The following CATSPERB variants were observed in gnomAD, a reference collection of about 807,000 sequenced individuals.
CATSPERB encodes cation channel sperm-associated auxiliary subunit beta.
In CATSPERB, 93 loss-of-function variants were observed where a neutral mutation model predicts 128.3. The ratio of observed to expected loss-of-function variants is 0.72; its 90% CI spans 0.61 to 0.86. The LOEUF (loss-of-function observed/expected upper bound fraction) is 0.86. Among genes scored for constraint, CATSPERB ranks in the 40% least tolerant of loss-of-function variants. CATSPERB has a pLI of 0.00. For synonymous variants in CATSPERB, 381 were observed against 448.8 expected (o/e 0.85, Z 1.91); for missense variants, 1,153 against 1,329.5 (o/e 0.87, Z 2.06).
At chr14:91,666,906 A>G (rs1894993391) in intron 14 of CATSPERB, among the ~76,000 whole-genome samples, 1 of 152,220 alleles carries the variant, frequency 6.6e-6, no homozygotes, top group Admixed American at 6.5e-5. Context: ...GCCGCCCGAG[A>G]TGATCTCTTA....
intron 14 of CATSPERB, among the ~76,000 whole-genome samples, chr14:91,660,401 G>A (rs977083356): frequency 1.3e-5 from 2 of 152,082 alleles, no homozygotes; most frequent in East Asian, 1.9e-4. Flanking sequence ...AAATATATAT[G>A]CACACATATT....
chr14:91,668,996 C>T (rs1297141689), intron 14 of CATSPERB, among the ~76,000 whole-genome samples: 1 of 152,182 alleles, frequency 6.6e-6, no homozygotes, highest in Non-Finnish European at 1.5e-5. Flanking sequence ...TTTCCAAGGC[C>T]TTCCCAGCCA....
chr14:91,617,541 G>C, intron 20 of CATSPERB, 56 bp downstream of exon 20: 1 of 1,384,400 alleles, frequency 7.2e-7, no homozygotes. Context: ...AATAATAGTT[G>C]TTTCAGAAAA....
In CATSPERB at chr14:91,620,696, C is replaced by T. The variant is rs187273059; in HGVS notation, c.2260+912G>A. On this transcript the variant is annotated intron_variant, in intron 19 of 26. Coordinates refer to ENST00000256343, the MANE Select transcript of CATSPERB (RefSeq NM_024764.4). ...TTGGCTTAAAATAAATACAGTCATTCTGTGGTATATACAAAGGGTTGGTTC... is the reference window on the plus strand; with the variant it reads ...TTGGCTTAAAATAAATACAGTCATTTTGTGGTATATACAAAGGGTTGGTTC... Among the ~76,000 whole-genome samples the T allele has an allele frequency of 1.1e-3, 168 of 152,216 alleles. 1 individual carries two copies. Among genetic ancestry groups the T allele is most frequent in the Middle Eastern group, 6.8e-3 (2 of 294 alleles).
intron 14 of CATSPERB, among the ~76,000 whole-genome samples, chr14:91,665,037 G>A (rs576823281): frequency 2.6e-5 from 4 of 150,978 alleles, no homozygotes; most frequent in East Asian, 2.0e-4. Context: ...CCACAGGAAC[G>A]TGCCACCACA....
At chr14:91,586,571 A>AAAGAGAGAG (rs1555358774) in intron 26 of CATSPERB, among the ~76,000 whole-genome samples, 6,223 of 114,052 alleles carry the variant, frequency 0.055, 470 homozygotes, top group East Asian at 0.35. Flanking sequence ...GAGAGAGAGA[A>AAAGAGAGAG]AGAGAGAGAG....
At chr14:91,584,103 C>T (rs575302532) in intron 26 of CATSPERB, among the ~76,000 whole-genome samples, 14 of 151,770 alleles carry the variant, frequency 9.2e-5, no homozygotes, top group Admixed American at 4.6e-4. Context: ...CTCACTCTGT[C>T]GCCCAGGCTG....
At chr14:91,587,633 A>G (rs1893327088) in intron 25 of CATSPERB, among the ~76,000 whole-genome samples, 2 of 151,930 alleles carry the variant, frequency 1.3e-5, no homozygotes, top group South Asian at 2.1e-4. Context: ...TATTATACCA[A>G]CTTCATGTAT....
chr14:91,599,978 C>T (rs1393203091), intron 22 of CATSPERB, among the ~76,000 whole-genome samples: 1 of 152,182 alleles, frequency 6.6e-6, no homozygotes, highest in Non-Finnish European at 1.5e-5. Context: ...AAGATATTTT[C>T]CTTTGACACC....
chr14:91,722,974 TA>T, intron 4 of CATSPERB, 74 bp downstream of exon 4: 1 of 1,185,258 alleles, frequency 8.4e-7, no homozygotes, highest in Non-Finnish European at 1.1e-6. Flanking sequence ...ACCTATTTTT[TA>T]AAAAATACAT....
intron 23 of CATSPERB, 57 bp from the exon 24 acceptor site, chr14:91,589,726 T>C (rs1893364340): frequency 5.1e-6 from 8 of 1,554,212 alleles, no homozygotes; most frequent in Non-Finnish European, 7.0e-6. Context: ...AGTCACTTCA[T>C]TTCCTGGTAA....
At chr14:91,696,779 G>T (rs1296300902) in intron 7 of CATSPERB, among the ~76,000 whole-genome samples, 1 of 152,148 alleles carries the variant, frequency 6.6e-6, no homozygotes, top group Non-Finnish European at 1.5e-5. Context: ...TTGTTCAGAT[G>T]GCTGCAAGGA....
At chr14:91,651,328 G>A (rs563619562) in intron 15 of CATSPERB, among the ~76,000 whole-genome samples, 35 of 152,260 alleles carry the variant, frequency 2.3e-4, no homozygotes, top group African/African-American at 8.2e-4. Flanking sequence ...CTTTGACTGG[G>A]CTTTAGTAAT....
chr14:91,727,750 C>T (rs1305381212), intron 2 of CATSPERB, among the ~76,000 whole-genome samples: 1 of 152,206 alleles, frequency 6.6e-6, no homozygotes. Context: ...CAGAAGGAAA[C>T]TAACTCCTTT....
At chr14:91,697,523 C>T (rs1895583780) in intron 7 of CATSPERB, among the ~76,000 whole-genome samples, 1 of 152,180 alleles carries the variant, frequency 6.6e-6, no homozygotes, top group African/African-American at 2.4e-5. Flanking sequence ...TAATCATTTA[C>T]ATCTTTACTC....
Position 91,669,946 on chromosome 14 carries a change from C to T in CATSPERB, c.1155G>A (p.Val385=), listed in dbSNP as rs953623452. 1 of 1,613,140 alleles carries T rather than the reference C, an allele frequency of 6.2e-7. No homozygotes were observed. Residue 385 remains valine, a synonymous_variant, in exon 14 of 27, where the codon GTG becomes GTA. Coordinates refer to ENST00000256343, the MANE Select transcript of CATSPERB (RefSeq NM_024764.4). Reference sequence around the variant, plus strand: ...TTGGTTCATTATTTCTCAGGGTGCTCACAGAGGCAATGGCAGTTTTCCTGA... The same window carrying T: ...TTGGTTCATTATTTCTCAGGGTGCTTACAGAGGCAATGGCAGTTTTCCTGA... The part of the protein sequence containing the change: ...NKVRKTAIAS[V]STLRNNEPNS...
In CATSPERB at chr14:91,612,736, C is replaced by T. The variant is rs564524642; in HGVS notation, c.2401-2059G>A. ...CATACTCTGTAGCCATTAAGAATAA[C>T]GTATTTTTATTACTTTTGTCAAACA... On this transcript the variant is annotated intron_variant, in intron 20 of 26. Coordinates refer to ENST00000256343, the MANE Select transcript of CATSPERB (RefSeq NM_024764.4). Among the ~76,000 whole-genome samples, 169 of 152,266 alleles carry T rather than the reference C, an allele frequency of 1.1e-3. 1 individual carries two copies. The highest frequency in any genetic ancestry group is 2.2e-3 in the African/African-American group (93 of 41,560).
chr14:91,689,209 AG>A (rs1357968142), intron 10 of CATSPERB, among the ~76,000 whole-genome samples: 1 of 152,196 alleles, frequency 6.6e-6, no homozygotes, highest in Non-Finnish European at 1.5e-5. Flanking sequence ...CCCAAAACTG[AG>A]AAAACCCTTC....
At chr14:91,723,817 C>A (rs1296080439) in intron 3 of CATSPERB, among the ~76,000 whole-genome samples, 1 of 150,062 alleles carries the variant, frequency 6.7e-6, no homozygotes, top group Non-Finnish European at 1.5e-5. Context: ...AACTCTCTGC[C>A]CCTGTGGAAT....
Sources: gnomAD v4.1 joint callset for allele counts (sites outside exome capture counted in the v4.1 genomes callset) on GRCh38, gnomAD v4.1.1 for gene constraint, MANE v1.5 for transcripts, NCBI Gene and HGNC (gene_info 2026-07-23, HGNC 2026-07-21) for gene names.